The following CASZ1 variants were observed in gnomAD, a reference collection of about 807,000 sequenced individuals.
The protein encoded by CASZ1 is castor zinc finger 1, also known as zinc finger protein castor homolog 1.
CASZ1 carries 28 observed loss-of-function variants against 135.2 expected under a neutral mutation model. That is an observed-to-expected ratio of 0.21 (90% CI 0.15 to 0.28). CASZ1 has a LOEUF of 0.28. Among genes scored for constraint, CASZ1 ranks in the 10% least tolerant of loss-of-function variants. The pLI is 1.00. For synonymous variants in CASZ1, 1,068 were observed against 1,073.4 expected (o/e 0.99, Z 0.10); for missense variants, 2,161 against 2,453.3 (o/e 0.88, Z 2.52).
At chr1:10,659,245 G>A (rs558284043) in intron 6 of CASZ1, among the ~76,000 whole-genome samples, 81 of 152,302 alleles carry the variant, frequency 5.3e-4, no homozygotes, top group African/African-American at 1.8e-3. Flanking sequence ...CCAGGGTGGC[G>A]CCTTCTCAGC....
chr1:10,689,633 C>T (rs1277725462), intron 4 of CASZ1, among the ~76,000 whole-genome samples: 1 of 152,206 alleles, frequency 6.6e-6, no homozygotes, highest in Non-Finnish European at 1.5e-5. Flanking sequence ...CTTTTAGCCT[C>T]AGTTTCCTCT....
In CASZ1 at chr1:10,759,755, G is replaced by A. The variant is rs1307009885; in HGVS notation, c.-77+946C>T. Among the ~76,000 whole-genome samples, 2 of 152,184 alleles carry A rather than the reference G, an allele frequency of 1.3e-5. No homozygotes were observed. Among genetic ancestry groups the A allele is most frequent in the Non-Finnish European group, 2.9e-5 (2 of 68,034 alleles). On this transcript the variant is annotated intron_variant, in intron 2 of 20. Transcript: ENST00000377022. The surrounding 1 kb of genome is among the most constrained non-coding windows in gnomAD (Gnocchi z 4.2). Reference sequence around the variant, plus strand: ...CCCAGAGTGACCATGGGGAGGAAGAGCGCAGGCAGGTGAGCCAGGGACACC... The same window carrying A: ...CCCAGAGTGACCATGGGGAGGAAGAACGCAGGCAGGTGAGCCAGGGACACC...
chr1:10,690,844 C>G (rs1206884356), intron 4 of CASZ1, among the ~76,000 whole-genome samples: 1 of 152,234 alleles, frequency 6.6e-6, no homozygotes, highest in African/African-American at 2.4e-5. Flanking sequence ...AGGGCGAACG[C>G]CTGCTCAGAG....
intron 9 of CASZ1, among the ~76,000 whole-genome samples, 172 bp from the exon 10 acceptor site, chr1:10,654,763 C>G (rs568064122): frequency 6.6e-6 from 1 of 152,332 alleles, no homozygotes; most frequent in South Asian, 2.1e-4. Flanking sequence ...GAGTAGAAAG[C>G]CTCCAACAGC....
At chr1:10,792,319 T>TCCCCCTCCCCCCCCCCCCC (rs201406555) in intron 1 of CASZ1, among the ~76,000 whole-genome samples, 1 of 16,930 alleles carries the variant, frequency 5.9e-5, no homozygotes, top group Admixed American at 1.2e-3. Context: ...GGCTTACCCC[T>TCCCCCTCCCCCCCCCCCCC]CCCCCCCGCC....
intron 4 of CASZ1, among the ~76,000 whole-genome samples, chr1:10,668,251 CA>C (rs1351679067): frequency 6.6e-6 from 1 of 152,222 alleles, no homozygotes; most frequent in African/African-American, 2.4e-5. Context: ...ATCCGCCCCC[CA>C]CCCCGCTGTG....
At chr1:10,728,765 G>T (rs1453554324) in intron 2 of CASZ1, among the ~76,000 whole-genome samples, 5 of 152,052 alleles carry the variant, frequency 3.3e-5, no homozygotes, top group African/African-American at 4.8e-5. Flanking sequence ...TGAGAGGGGG[G>T]ACAGCTGGGG....
At chr1:10,702,701 C>A (rs1432937441) in intron 3 of CASZ1, among the ~76,000 whole-genome samples, 1 of 152,032 alleles carries the variant, frequency 6.6e-6, no homozygotes, top group African/African-American at 2.4e-5. Context: ...TCCTCCCAGC[C>A]CCATTCCACT....
chr1:10,715,103 C>T (rs945654265), intron 2 of CASZ1, among the ~76,000 whole-genome samples: 1 of 152,200 alleles, frequency 6.6e-6, no homozygotes, highest in Non-Finnish European at 1.5e-5. Context: ...CAGAGTTACT[C>T]TCCGAGTCAG....
intron 2 of CASZ1, among the ~76,000 whole-genome samples, chr1:10,754,540 C>A (rs981363473): frequency 6.6e-6 from 1 of 152,202 alleles, no homozygotes; most frequent in South Asian, 2.1e-4. Context: ...CCCTACTGGA[C>A]CCCAGGCTTC....
chr1:10,642,941 G>A lies in CASZ1; in HGVS notation c.4080C>T (p.Ser1360=). The A allele has an allele frequency of 6.2e-7, 1 of 1,613,036 alleles. No homozygotes were observed. Among genetic ancestry groups the A allele is most frequent in the Non-Finnish European group, 8.5e-7 (1 of 1,179,980 alleles). The part of the protein sequence containing the change: ...TDECMDYTGC[S]PGAMSSESST... ...ATGACTCAGAGGACATGGCGCCTGG[G>A]CTGCAGCCAGTGTAGTCCATGCACT... The change falls in exon 20 of 21, where the codon AGC becomes AGT. Residue 1360 remains serine, a synonymous_variant. Transcript: ENST00000377022.
chr1:10,669,145 C>T (rs1016235523), intron 4 of CASZ1, among the ~76,000 whole-genome samples: 14 of 152,338 alleles, frequency 9.2e-5, no homozygotes, highest in South Asian at 6.2e-4. Context: ...TGACTTGTAA[C>T]GGCCCAGCGG....
intron 8 of CASZ1, among the ~76,000 whole-genome samples, chr1:10,656,062 C>T (rs1642779632): frequency 6.6e-6 from 1 of 152,226 alleles, no homozygotes; most frequent in South Asian, 2.1e-4. Context: ...TGGCCATCCC[C>T]AGGAGCACAG....
At chr1:10,675,575 G>A (rs1474621734) in intron 4 of CASZ1, among the ~76,000 whole-genome samples, 2 of 152,090 alleles carry the variant, frequency 1.3e-5, no homozygotes, top group African/African-American at 4.8e-5. Context: ...CACGGACCTG[G>A]CTGGGGGAGG....
intron 1 of CASZ1, among the ~76,000 whole-genome samples, chr1:10,783,237 C>T (rs574943135): frequency 2.2e-3 from 291 of 134,816 alleles, no homozygotes; most frequent in Admixed American, 0.012. Context: ...ACGGCTAGGC[C>T]AGTGGAGAAG....
chr1:10,681,963 G>C (rs1433491588), intron 4 of CASZ1, among the ~76,000 whole-genome samples: 1 of 152,250 alleles, frequency 6.6e-6, no homozygotes, highest in Admixed American at 6.5e-5. Flanking sequence ...CTCGGCGAGA[G>C]GAACAACTGT....
chr1:10,691,464 C>G (rs1638765572), intron 4 of CASZ1, among the ~76,000 whole-genome samples: 1 of 152,132 alleles, frequency 6.6e-6, no homozygotes, highest in Non-Finnish European at 1.5e-5. Context: ...TCCGGGGCCG[C>G]GGGGATGTTA....
intron 2 of CASZ1, among the ~76,000 whole-genome samples, chr1:10,734,846 TG>T (rs2100516390): frequency 6.6e-6 from 1 of 152,270 alleles, no homozygotes; most frequent in African/African-American, 2.4e-5. Context: ...ACACCTGCCC[TG>T]GGGTGCCACG....
intron 4 of CASZ1, among the ~76,000 whole-genome samples, chr1:10,690,472 G>A (rs1182337217): frequency 6.6e-6 from 1 of 152,192 alleles, no homozygotes; most frequent in African/African-American, 2.4e-5. Context: ...AGCCAGCCTG[G>A]CCCAGCTTCT....
Sources: allele counts gnomAD v4.1 joint callset (sites outside exome capture counted in the v4.1 genomes callset), GRCh38; gene constraint gnomAD v4.1.1; non-coding constraint Gnocchi (gnomAD v3.1); transcripts MANE v1.5; gene names NCBI Gene and HGNC (gene_info 2026-07-23, HGNC 2026-07-21).